Variants in CDH4 observed in about 807,000 individuals in gnomAD.
The protein encoded by CDH4 is cadherin 4.
A neutral mutation model predicts 86.0 loss-of-function variants in CDH4; 33 were observed. That is an observed-to-expected ratio of 0.38 (90% CI 0.29 to 0.51). The LOEUF (loss-of-function observed/expected upper bound fraction) is 0.51, where lower values mean the gene tolerates loss of function less well. CDH4 is among the 20% of genes least tolerant of loss of function. CDH4 has a pLI of 0.86. For synonymous variants in CDH4, 555 were observed against 549.4 expected, an observed-to-expected ratio of 1.01 and a Z score of -0.14; for missense variants, 1,114 against 1,307.4, an observed-to-expected ratio of 0.85 and a Z score of 2.28.
intron 4 of CDH4, among the ~76,000 whole-genome samples, chr20:61,797,764 C>A (rs1452184450): frequency 6.6e-6 from 1 of 152,172 alleles, no homozygotes; most frequent in African/African-American, 2.4e-5. Flanking sequence ...TCCAGCCTGG[C>A]TGACAAAGTG....
chr20:61,347,678 G>A (rs1301649239), intron 2 of CDH4, among the ~76,000 whole-genome samples: 3 of 152,198 alleles, frequency 2.0e-5, no homozygotes, highest in Non-Finnish European at 4.4e-5. Context: ...GTCGGGAGAT[G>A]TATATGCTTA....
intron 2 of CDH4, among the ~76,000 whole-genome samples, chr20:61,539,152 C>T (rs752279705): frequency 3.3e-5 from 5 of 152,050 alleles, no homozygotes; most frequent in Non-Finnish European, 7.4e-5. Context: ...GCACCCACGG[C>T]CCTGGAGGAG....
intron 2 of CDH4, among the ~76,000 whole-genome samples, chr20:61,702,907 A>G (rs1355040324): frequency 6.6e-6 from 1 of 152,152 alleles, no homozygotes; most frequent in Non-Finnish European, 1.5e-5. Flanking sequence ...GTGTGTGACA[A>G]CCCGCTTTTT....
intron 2 of CDH4, among the ~76,000 whole-genome samples, chr20:61,358,454 C>G (rs560975557): frequency 6.6e-6 from 1 of 152,182 alleles, no homozygotes; most frequent in Non-Finnish European, 1.5e-5. Context: ...TGGGGCAGAG[C>G]GAACATTTCA....
intron 2 of CDH4, among the ~76,000 whole-genome samples, chr20:61,349,288 G>C (rs6015963): frequency 0.2 from 30,202 of 152,222 alleles, 3,000 homozygotes; most frequent in Middle Eastern, 0.34. Context: ...TGGTGGTTCT[G>C]GGGAGAAAGG....
At chr20:61,840,412 C>T (rs1166269638) in intron 4 of CDH4, among the ~76,000 whole-genome samples, 2 of 152,232 alleles carry the variant, frequency 1.3e-5, no homozygotes, top group African/African-American at 4.8e-5. Context: ...TGAAACCTGG[C>T]AAATCCTCCT....
intron 2 of CDH4, among the ~76,000 whole-genome samples, chr20:61,416,313 T>G (rs1287095861): frequency 5.3e-5 from 8 of 152,194 alleles, no homozygotes; most frequent in Admixed American, 4.6e-4. Context: ...CCTTCCTTTT[T>G]AAGGCTGCGT....
In CDH4 at chr20:61,879,281, A is replaced by G. The variant is rs1984179952; in HGVS notation, c.1050+5381A>G. On this transcript the variant is annotated intron_variant, in intron 7 of 15. Transcript: ENST00000614565. The surrounding 1 kb of genome is among the most constrained non-coding windows in gnomAD (Gnocchi z 4.1). ...GTATCAGAGAAGAGCACACATCGGG[A>G]CCATTTCTCCACCAGCCCAGCTTGC... Among the ~76,000 whole-genome samples, 4 of 152,128 alleles carry G rather than the reference A, an allele frequency of 2.6e-5. No homozygotes were observed. The highest frequency in any genetic ancestry group is 9.7e-5 in the African/African-American group (4 of 41,434).
rs901763828 is a variant in CDH4 at position 61,417,123 on chromosome 20, G to A, written c.169+162186G>A. ...CCGCAGAGCTGACTGTGGGTGCTTG[G>A]GATAAAACCCAGATTCTGTGGCCTA... On this transcript the variant is annotated intron_variant, in intron 2 of 15. Coordinates refer to ENST00000614565, the MANE Select transcript of CDH4 (RefSeq NM_001794.5). This position sits in a 1 kb window ranked among gnomAD's most constrained non-coding sequence, Gnocchi z 4.0. Among the ~76,000 whole-genome samples, 1 of 152,070 alleles carries A rather than the reference G, an allele frequency of 6.6e-6. No homozygotes were observed. The highest frequency in any genetic ancestry group is 6.5e-5 in the Admixed American group (1 of 15,282).
intron 2 of CDH4, among the ~76,000 whole-genome samples, chr20:61,310,031 A>ATTT (rs2084436989): frequency 6.6e-6 from 1 of 152,156 alleles, no homozygotes; most frequent in Non-Finnish European, 1.5e-5. Flanking sequence ...TGCGGCTTAC[A>ATTT]GAAATGGGTG....
At chr20:61,678,124 C>T (rs6089260) in intron 2 of CDH4, among the ~76,000 whole-genome samples, 90,613 of 151,524 alleles carry the variant, frequency 0.6, 27,259 homozygotes, top group African/African-American at 0.66. Context: ...CATTAGAAGA[C>T]GGATGGAAGA....
chr20:61,481,324 C>G (rs1470595005), intron 2 of CDH4, among the ~76,000 whole-genome samples: 1 of 152,178 alleles, frequency 6.6e-6, no homozygotes, highest in East Asian at 1.9e-4. Context: ...ATTTCCTGGT[C>G]CCACACATTG....
At chr20:61,923,374 C>G in intron 9 of CDH4, 77 bp from the exon 10 acceptor site, 1 of 1,477,412 alleles carries the variant, frequency 6.8e-7, no homozygotes, top group East Asian at 2.3e-5. Context: ...TGGAGACCAA[C>G]CTTCCCATGT....
chr20:61,825,916 A>G (rs1383534034), intron 4 of CDH4, among the ~76,000 whole-genome samples: 1 of 151,912 alleles, frequency 6.6e-6, no homozygotes, highest in Non-Finnish European at 1.5e-5. Context: ...CTTCGCCCAC[A>G]TCTCACATCC....
chr20:61,590,882 G>T lies in CDH4; in HGVS notation c.170-152681G>T, dbSNP rs891900857. 3.7e-3 allele frequency among the ~76,000 whole-genome samples: 558 copies of T among 152,198 alleles called. 11 individuals carry two copies. The highest frequency in any genetic ancestry group is 0.013 in the African/African-American group (535 of 41,486). ...CTTGTCTTCCCTAAATCTATGGGGG[G>T]GGGGGTCCCCGGGTCTCCAGGCTCC... On this transcript the variant is annotated intron_variant, in intron 2 of 15. Coordinates refer to ENST00000614565, the MANE Select transcript of CDH4 (RefSeq NM_001794.5).
chr20:61,723,349 G>A (rs971250435), intron 2 of CDH4, among the ~76,000 whole-genome samples: 3 of 152,184 alleles, frequency 2.0e-5, no homozygotes, highest in African/African-American at 4.8e-5. Flanking sequence ...GGCCCCTCCC[G>A]GGGCCCTCTG....
intron 2 of CDH4, among the ~76,000 whole-genome samples, chr20:61,596,219 G>A (rs562920729): frequency 1.1e-4 from 16 of 152,254 alleles, no homozygotes; most frequent in Non-Finnish European, 1.6e-4. Context: ...ATGACTTCCC[G>A]CCCCCTGAAA....
At position 61,736,884 on chromosome 20, in the gene CDH4, C is replaced by T. The variant is rs188186735; in HGVS notation, c.170-6679C>T. Among the ~76,000 whole-genome samples, 918 of 152,210 alleles carry T rather than the reference C, an allele frequency of 6.0e-3. 8 individuals are homozygous for T. The highest frequency in any genetic ancestry group is 0.02 in the South Asian group (98 of 4,786). Reference sequence around the variant, plus strand: ...AGACTAAGGCCCACATTCACACTGCCGAAGACGTGGGTGACAGGCGGGGGC... The same window carrying T: ...AGACTAAGGCCCACATTCACACTGCTGAAGACGTGGGTGACAGGCGGGGGC... On this transcript the variant is annotated intron_variant, in intron 2 of 15. Coordinates refer to ENST00000614565, the MANE Select transcript of CDH4 (RefSeq NM_001794.5).
intron 2 of CDH4, among the ~76,000 whole-genome samples, chr20:61,261,868 C>T (rs879392704): frequency 3.3e-5 from 5 of 152,162 alleles, no homozygotes; most frequent in Non-Finnish European, 5.9e-5. Context: ...CTCTCGACAC[C>T]GGGGGTTTGC....
Sources: gnomAD v4.1 joint callset for allele counts (sites outside exome capture counted in the v4.1 genomes callset) on GRCh38, gnomAD v4.1.1 for gene constraint, Gnocchi (gnomAD v3.1) non-coding constraint, MANE v1.5 for transcripts, NCBI Gene and HGNC (gene_info 2026-07-23, HGNC 2026-07-21) for gene names.